MECOM: variants seen among roughly 807,000 people sequenced by gnomAD.
MECOM encodes MDS1 and EVI1 complex locus.
A neutral mutation model predicts 116.3 loss-of-function variants in MECOM; 13 were observed. The observed-to-expected ratio is 0.11, with a 90% CI of 0.07 to 0.18. The LOEUF (loss-of-function observed/expected upper bound fraction) is 0.18, where lower values mean the gene tolerates loss of function less well. Among genes scored for constraint, MECOM ranks in the 10% least tolerant of loss-of-function variants. The pLI, the probability that MECOM is intolerant of heterozygous loss-of-function variation, is 1.00. For missense variants in MECOM, 1,299 were observed against 1,509.0 expected, an observed-to-expected ratio of 0.86 and a Z score of 2.31; for synonymous variants, 528 against 535.2, an observed-to-expected ratio of 0.99 and a Z score of 0.19.
chr3:169,332,796 T>C (rs1055065167), intron 2 of MECOM, among the ~76,000 whole-genome samples: 3 of 152,190 alleles, frequency 2.0e-5, no homozygotes, highest in African/African-American at 7.2e-5. Context: ...TGGTTTCCTA[T>C]ACTTTAATGA....
chr3:169,420,884 C>T (rs1194236024), intron 1 of MECOM, among the ~76,000 whole-genome samples: 5 of 152,112 alleles, frequency 3.3e-5, no homozygotes, highest in Non-Finnish European at 7.4e-5. Context: ...TTGAAGATAA[C>T]TAAAATAAAG....
At chr3:169,192,563 T>C (rs573444202) in intron 2 of MECOM, among the ~76,000 whole-genome samples, 2 of 152,182 alleles carry the variant, frequency 1.3e-5, no homozygotes, top group South Asian at 4.1e-4. Flanking sequence ...GACACTTCTT[T>C]TTGTTTTTAA....
rs1264446678 is a variant in MECOM at position 169,500,803 on chromosome 3, A to G, written c.38-119279T>C. Among the ~76,000 whole-genome samples, 8 of 152,096 alleles carry G rather than the reference A, an allele frequency of 5.3e-5. No individual in the cohort carries two copies. The East Asian group carries it at 1.3e-3, about 26-fold the overall frequency. On this transcript the variant is annotated intron_variant, in intron 1 of 16. Coordinates refer to ENST00000651503, the MANE Select transcript of MECOM (RefSeq NM_004991.4). ...ATTATTCACCTACATGTATAATATTAGATTATGTAACATGTTGCTTATTTT... is the reference window on the plus strand; with the variant it reads ...ATTATTCACCTACATGTATAATATTGGATTATGTAACATGTTGCTTATTTT...
chr3:169,332,449 G>A (rs975826280), intron 2 of MECOM, among the ~76,000 whole-genome samples: 6 of 152,158 alleles, frequency 3.9e-5, no homozygotes, highest in Non-Finnish European at 8.8e-5. Flanking sequence ...ACGAGAGTCA[G>A]AGCCAGAATA....
intron 7 of MECOM, 126 bp from the exon 8 acceptor site, chr3:169,116,865 T>G: frequency 8.3e-7 from 1 of 1,201,586 alleles, no homozygotes; most frequent in South Asian, 1.8e-5. Context: ...GAGGCACCAA[T>G]CTGGGTGCTC....
chr3:169,440,117 T>C (rs1743353861), intron 1 of MECOM, among the ~76,000 whole-genome samples: 1 of 152,284 alleles, frequency 6.6e-6, no homozygotes, highest in South Asian at 2.1e-4. Context: ...TTTGGTTGTG[T>C]TCCACTTCCT....
Position 169,604,891 on chromosome 3 carries a change from C to G in MECOM, c.37+58445G>C, listed in dbSNP as rs562169799. ...AGAAACAGTATTCTTGGGGGTATCT[C>G]ATTTTTCCCTTTTCCTCACATGTCT... On this transcript the variant is annotated intron_variant, in intron 1 of 16. Transcript: ENST00000651503. Among the ~76,000 whole-genome samples, 5 of 152,312 alleles carry G rather than the reference C, an allele frequency of 3.3e-5. No homozygotes were observed. In the South Asian group the frequency reaches 1.0e-3, roughly 32 times the overall value.
At position 169,545,072 on chromosome 3, in the gene MECOM, T is replaced by A. The variant is rs1030559809; in HGVS notation, c.37+118264A>T. Among the ~76,000 whole-genome samples the A allele has an allele frequency of 3.7e-3, 558 of 152,082 alleles. 8 individuals carry two copies. The highest frequency in any genetic ancestry group is 0.013 in the African/African-American group (541 of 41,466). ...ATTTTTTTAATTAAAAAAAAGAAAA[T>A]GGTATACGTGTTCCCAGGTTAAGGT... is the stretch of plus-strand genomic sequence containing the variant. On this transcript the variant is annotated intron_variant, in intron 1 of 16. Coordinates refer to ENST00000651503, the MANE Select transcript of MECOM (RefSeq NM_004991.4).
rs1385329183 is a variant in MECOM at position 169,432,817 on chromosome 3, G to T, written c.38-51293C>A. ...TTATAAGCACAGTTAAAAGGGAAAA[G>T]GTTAAAGGCTACAGTAGATTGTTCT... On this transcript the variant is annotated intron_variant, in intron 1 of 16. Coordinates refer to ENST00000651503, the MANE Select transcript of MECOM (RefSeq NM_004991.4). Among the ~76,000 whole-genome samples the T allele has an allele frequency of 6.6e-5, 10 of 152,320 alleles. No homozygotes were observed. In the South Asian group the frequency reaches 1.7e-3, roughly 25 times the overall value.
At chr3:169,497,228 G>A (rs1753917025) in intron 1 of MECOM, among the ~76,000 whole-genome samples, 1 of 151,950 alleles carries the variant, frequency 6.6e-6, no homozygotes, top group Admixed American at 6.6e-5. Context: ...TTATTATATT[G>A]TTCTTTCTAT....
chr3:169,424,135 T>C (rs965436235), intron 1 of MECOM, among the ~76,000 whole-genome samples: 4 of 152,178 alleles, frequency 2.6e-5, no homozygotes, highest in Admixed American at 2.0e-4. Flanking sequence ...GTTATTCCAA[T>C]TGAAATAAAG....
chr3:169,199,713 A>G (rs1748908001), intron 2 of MECOM, among the ~76,000 whole-genome samples: 1 of 152,114 alleles, frequency 6.6e-6, no homozygotes, highest in Non-Finnish European at 1.5e-5. Flanking sequence ...TGAAAGGAGA[A>G]TGATCAATAA....
chr3:169,627,948 G>A (rs192843444), intron 1 of MECOM, among the ~76,000 whole-genome samples: 40 of 152,292 alleles, frequency 2.6e-4, no homozygotes, highest in Admixed American at 9.8e-4. Flanking sequence ...GTGACGTGGC[G>A]GGCCTCAAGC....
At chr3:169,197,438 G>A (rs537357527) in intron 2 of MECOM, among the ~76,000 whole-genome samples, 2 of 152,118 alleles carry the variant, frequency 1.3e-5, no homozygotes, top group Admixed American at 1.3e-4. Context: ...TTTGGTTGGT[G>A]TCTGCTCATC....
intron 1 of MECOM, among the ~76,000 whole-genome samples, chr3:169,519,912 A>G (rs571386097): frequency 6.6e-6 from 1 of 152,380 alleles, no homozygotes; most frequent in East Asian, 1.9e-4. Context: ...ACCCCAGACT[A>G]CAACAAAGAG....
intron 1 of MECOM, among the ~76,000 whole-genome samples, chr3:169,568,456 T>C (rs1394060238): frequency 6.6e-6 from 1 of 151,830 alleles, no homozygotes; most frequent in African/African-American, 2.4e-5. Context: ...CCCAGCAAAC[T>C]AAGATCCACT....
intron 2 of MECOM, among the ~76,000 whole-genome samples, chr3:169,174,601 T>C (rs899294083): frequency 2.0e-5 from 3 of 152,198 alleles, no homozygotes; most frequent in African/African-American, 4.8e-5. Flanking sequence ...ACATATTTTA[T>C]CCATATCAGG....
chr3:169,619,199 T>A (rs1224354089), intron 1 of MECOM, among the ~76,000 whole-genome samples: 1 of 152,196 alleles, frequency 6.6e-6, no homozygotes, highest in Non-Finnish European at 1.5e-5. Context: ...AACACAGCCC[T>A]CACTCCGGGT....
intron 1 of MECOM, among the ~76,000 whole-genome samples, chr3:169,604,673 C>A (rs1033123941): frequency 7.9e-5 from 12 of 152,166 alleles, no homozygotes; most frequent in African/African-American, 2.9e-4. Context: ...CCCAGGGCTA[C>A]CAAGAGGCAG....
Sources: gnomAD v4.1 joint callset for allele counts (sites outside exome capture counted in the v4.1 genomes callset) on GRCh38, gnomAD v4.1.1 for gene constraint, MANE v1.5 for transcripts, NCBI Gene and HGNC (gene_info 2026-07-23, HGNC 2026-07-21) for gene names.